DENND1A: variants seen among roughly 807,000 people sequenced by gnomAD.
DENND1A encodes DENN domain containing 1A.
DENND1A carries 51 observed loss-of-function variants against 113.7 expected under a neutral mutation model. The ratio of observed to expected loss-of-function variants is 0.45; its 90% CI spans 0.36 to 0.57. The LOEUF is 0.57. Among genes scored for constraint, DENND1A ranks in the 20% least tolerant of loss-of-function variants. The pLI is 0.00. For missense variants in DENND1A, 1,258 were observed against 1,395.9 expected, an observed-to-expected ratio of 0.90 and a Z score of 1.57; for synonymous variants, 565 against 570.8, an observed-to-expected ratio of 0.99 and a Z score of 0.14.
At chr9:123,555,892 T>C (rs2136001766) in intron 13 of DENND1A, among the ~76,000 whole-genome samples, 1 of 152,310 alleles carries the variant, frequency 6.6e-6, no homozygotes, top group African/African-American at 2.4e-5. Flanking sequence ...ATGAGATCAC[T>C]GCAAGAGTGA....
At chr9:123,878,022 G>A (rs568669977) in intron 2 of DENND1A, among the ~76,000 whole-genome samples, 16 of 151,530 alleles carry the variant, frequency 1.1e-4, no homozygotes, top group Non-Finnish European at 1.9e-4. Context: ...TGACCAACAC[G>A]GAGAAGCCCT....
chr9:123,559,155 G>A (rs767817413), intron 12 of DENND1A, among the ~76,000 whole-genome samples: 8 of 152,294 alleles, frequency 5.3e-5, no homozygotes, highest in South Asian at 4.2e-4. Context: ...GCCCTGCAGC[G>A]AAGAAGAGTT....
intron 13 of DENND1A, among the ~76,000 whole-genome samples, chr9:123,553,971 T>G (rs1021961175): frequency 6.6e-6 from 1 of 152,224 alleles, no homozygotes; most frequent in Non-Finnish European, 1.5e-5. Context: ...TTGGCCAGGA[T>G]GGTCTCAATC....
chr9:123,687,936 G>T (rs1435203625), intron 5 of DENND1A, among the ~76,000 whole-genome samples: 1 of 152,170 alleles, frequency 6.6e-6, no homozygotes, highest in Non-Finnish European at 1.5e-5. Context: ...TCCTGAAGAG[G>T]ACTGAATCTA....
intron 2 of DENND1A, among the ~76,000 whole-genome samples, chr9:123,838,831 C>G (rs56708158): frequency 0.024 from 3,577 of 152,206 alleles, 157 homozygotes; most frequent in African/African-American, 0.081. Context: ...GTGGCAGTGC[C>G]CAAACCCTCC....
intron 13 of DENND1A, among the ~76,000 whole-genome samples, chr9:123,504,908 A>T (rs2052787075): frequency 6.6e-6 from 1 of 152,220 alleles, no homozygotes; most frequent in African/African-American, 2.4e-5. Flanking sequence ...CTTGGTAATT[A>T]TGGACCCAAC....
chr9:123,547,336 C>T lies in DENND1A; in HGVS notation c.993+10234G>A, dbSNP rs563580676. On this transcript the variant is annotated intron_variant, in intron 13 of 23. Coordinates refer to ENST00000394215, the MANE Select transcript of DENND1A (RefSeq NM_001352964.2). Reference sequence around the variant, plus strand: ...CCTGAGGTTGGGAGTTTGGGACCAGCCTGATCAACAGGGAGAAACCCTGTT... The same window carrying T: ...CCTGAGGTTGGGAGTTTGGGACCAGTCTGATCAACAGGGAGAAACCCTGTT... 3.9e-5 allele frequency among the ~76,000 whole-genome samples: 6 copies of T among 152,318 alleles called. No homozygotes were observed. The East Asian group carries it at 1.2e-3, about 29-fold the overall frequency.
chr9:123,833,159 G>C (rs368144340), intron 2 of DENND1A, among the ~76,000 whole-genome samples: 1 of 88,460 alleles, frequency 1.1e-5, no homozygotes, highest in Non-Finnish European at 2.5e-5. Context: ...GGAAACGAAA[G>C]AAAAAAAAAC....
intron 12 of DENND1A, 111 bp downstream of exon 12, chr9:123,583,058 A>G: frequency 1.3e-6 from 1 of 764,276 alleles, no homozygotes; most frequent in South Asian, 2.0e-5. Context: ...TGCAGTTCTC[A>G]GGTCACAGGA....
intron 3 of DENND1A, among the ~76,000 whole-genome samples, chr9:123,770,220 C>T (rs963671531): frequency 2.0e-5 from 3 of 152,136 alleles, no homozygotes; most frequent in Non-Finnish European, 2.9e-5. Flanking sequence ...TGAACATACT[C>T]ACCTAATTTT....
intron 9 of DENND1A, among the ~76,000 whole-genome samples, chr9:123,637,967 ACACAC>A (rs2061805214): frequency 6.6e-6 from 1 of 151,552 alleles, no homozygotes; most frequent in Non-Finnish European, 1.5e-5. Flanking sequence ...ACACACACAC[ACACAC>A]ACCAAAAAAA....
chr9:123,420,585 G>A (rs1331790945), intron 19 of DENND1A, among the ~76,000 whole-genome samples: 3 of 152,170 alleles, frequency 2.0e-5, no homozygotes, highest in Non-Finnish European at 4.4e-5. Flanking sequence ...CACTCTCTTT[G>A]CCGTGAGTGA....
At chr9:123,517,338 G>A (rs1588946368) in intron 13 of DENND1A, among the ~76,000 whole-genome samples, 2 of 151,580 alleles carry the variant, frequency 1.3e-5, no homozygotes, top group Non-Finnish European at 2.9e-5. Flanking sequence ...CAGGAAGGGA[G>A]GGCCGGGCAT....
chr9:123,920,517 T>C (rs966904847), intron 1 of DENND1A, among the ~76,000 whole-genome samples: 3 of 152,202 alleles, frequency 2.0e-5, no homozygotes, highest in Non-Finnish European at 4.4e-5. Context: ...AAATCTTTTA[T>C]AAAACTGAAT....
intron 19 of DENND1A, among the ~76,000 whole-genome samples, chr9:123,416,792 A>C (rs2044764247): frequency 6.6e-6 from 1 of 152,226 alleles, no homozygotes; most frequent in Non-Finnish European, 1.5e-5. Context: ...GGACTGTCAC[A>C]GAGTGGAAGG....
At chr9:123,831,593 TAAAGAGACCAG>T (rs1840221436) in intron 2 of DENND1A, among the ~76,000 whole-genome samples, 1 of 152,124 alleles carries the variant, frequency 6.6e-6, no homozygotes, top group Non-Finnish European at 1.5e-5. Context: ...GTAAAATAGA[TAAAGAGACCAG>T]GAAGAGACCC....
chr9:123,429,400 T>C (rs986683746), intron 19 of DENND1A, among the ~76,000 whole-genome samples: 2 of 151,926 alleles, frequency 1.3e-5, no homozygotes, highest in Non-Finnish European at 2.9e-5. Context: ...TACTAAAAAA[T>C]ACAAAAATTA....
chr9:123,588,493 G>A (rs1682003231), intron 11 of DENND1A, among the ~76,000 whole-genome samples: 1 of 150,894 alleles, frequency 6.6e-6, no homozygotes, highest in Admixed American at 6.6e-5. Flanking sequence ...GGTGGCGGGT[G>A]CCTGTAATCC....
At chr9:123,900,205 CA>C (rs1246853679) in intron 1 of DENND1A, among the ~76,000 whole-genome samples, 7 of 152,176 alleles carry the variant, frequency 4.6e-5, no homozygotes, top group African/African-American at 1.7e-4. Flanking sequence ...GGGAGTTAAA[CA>C]TATAAATAGA....
Sources: allele counts gnomAD v4.1 joint callset (sites outside exome capture counted in the v4.1 genomes callset), GRCh38; gene constraint gnomAD v4.1.1; transcripts MANE v1.5; gene names NCBI Gene and HGNC (gene_info 2026-07-23, HGNC 2026-07-21).